FMNL2: variants seen among roughly 807,000 people sequenced by gnomAD.
The protein encoded by FMNL2 is formin-like protein 2.
Under a neutral mutation model 130.2 loss-of-function variants are expected in FMNL2, and 51 were observed. The observed-to-expected ratio is 0.39, with a 90% CI of 0.31 to 0.49. The LOEUF (loss-of-function observed/expected upper bound fraction) is 0.49, where lower values mean the gene tolerates loss of function less well. Among genes scored for constraint, FMNL2 ranks in the 20% least tolerant of loss-of-function variants. The pLI is 0.85. For synonymous variants in FMNL2, 465 were observed against 467.1 expected (o/e 1.00, Z 0.06); for missense variants, 977 against 1,316.2 (o/e 0.74, Z 3.99).
intron 1 of FMNL2, among the ~76,000 whole-genome samples, chr2:152,409,317 C>T (rs967639904): frequency 6.6e-6 from 1 of 152,148 alleles, no homozygotes; most frequent in Non-Finnish European, 1.5e-5. Context: ...TGATAAGACG[C>T]CACTTATTAA....
At chr2:152,634,057 A>G (rs1170576330) in intron 21 of FMNL2, among the ~76,000 whole-genome samples, 1 of 152,202 alleles carries the variant, frequency 6.6e-6, no homozygotes, top group Non-Finnish European at 1.5e-5. Context: ...CTGAGGGAAA[A>G]ACCTACTGCA....
intron 1 of FMNL2, among the ~76,000 whole-genome samples, chr2:152,496,178 G>T (rs906228473): frequency 6.6e-6 from 1 of 152,070 alleles, no homozygotes; most frequent in Non-Finnish European, 1.5e-5. Context: ...GGGATCTAGG[G>T]CCGGTTCCTA....
intron 1 of FMNL2, among the ~76,000 whole-genome samples, chr2:152,478,229 C>CAT (rs1553462980): frequency 1.5e-4 from 17 of 116,882 alleles, no homozygotes; most frequent in African/African-American, 3.9e-4. Flanking sequence ...TACATATATA[C>CAT]ATATATATAT....
intron 10 of FMNL2, among the ~76,000 whole-genome samples, chr2:152,607,970 A>G (rs779972259): frequency 3.3e-5 from 5 of 152,112 alleles, no homozygotes; most frequent in Non-Finnish European, 7.3e-5. Context: ...AGGTTAGGTG[A>G]CATACAAGAA....
At chr2:152,505,790 G>A (rs1000316437) in intron 1 of FMNL2, among the ~76,000 whole-genome samples, 6 of 152,182 alleles carry the variant, frequency 3.9e-5, no homozygotes, top group East Asian at 1.9e-4. Flanking sequence ...CACACCTCTC[G>A]TTCTTGCTTA....
chr2:152,447,004 A>G (rs1302178871), intron 1 of FMNL2, among the ~76,000 whole-genome samples: 2 of 152,160 alleles, frequency 1.3e-5, no homozygotes, highest in East Asian at 3.8e-4. Context: ...GGCCCAGTTT[A>G]GATTTTTTTA....
chr2:152,341,159 G>A (rs1177994677), intron 1 of FMNL2, among the ~76,000 whole-genome samples: 1 of 152,184 alleles, frequency 6.6e-6, no homozygotes, highest in African/African-American at 2.4e-5. Flanking sequence ...TCTTTCTCCT[G>A]TTGTGAGGGG....
At position 152,648,184 on chromosome 2, in the gene FMNL2, A is replaced by C; in HGVS notation, c.*279A>C. Reference sequence around the variant, plus strand: ...GTATGTTATTTTTAACCAAAATGTAAAGTTCTTATTAAACTCATTACCTGC... The same window carrying C: ...GTATGTTATTTTTAACCAAAATGTACAGTTCTTATTAAACTCATTACCTGC... On this transcript the variant is annotated 3_prime_UTR_variant, in exon 26 of 26. Transcript: ENST00000288670. 1 of 355,700 alleles carries C rather than the reference A, an allele frequency of 2.8e-6. No homozygotes were observed. The highest frequency in any genetic ancestry group is 5.1e-6 in the Non-Finnish European group (1 of 197,212). 22.0% of individuals were successfully genotyped at this position (355,700 alleles called of 1,614,324 possible).
At chr2:152,347,994 C>T (rs1444717514) in intron 1 of FMNL2, among the ~76,000 whole-genome samples, 1 of 151,034 alleles carries the variant, frequency 6.6e-6, no homozygotes, top group African/African-American at 2.4e-5. Context: ...TTCTCTCCTT[C>T]GTATTTTTTT....
chr2:152,475,822 A>C (rs1452882906), intron 1 of FMNL2, among the ~76,000 whole-genome samples: 2 of 152,188 alleles, frequency 1.3e-5, no homozygotes, highest in Non-Finnish European at 2.9e-5. Flanking sequence ...TAACATTCTT[A>C]CTACAAAAAA....
At chr2:152,496,151 T>C (rs1025408794) in intron 1 of FMNL2, among the ~76,000 whole-genome samples, 1 of 152,214 alleles carries the variant, frequency 6.6e-6, no homozygotes, top group African/African-American at 2.4e-5. Context: ...GTCCTGCTGA[T>C]GCCCTTTTCT....
intron 1 of FMNL2, among the ~76,000 whole-genome samples, chr2:152,470,156 A>T (rs1689780039): frequency 6.6e-6 from 1 of 152,182 alleles, no homozygotes; most frequent in Non-Finnish European, 1.5e-5. Flanking sequence ...TAAAGGACAA[A>T]GGTGGCTATT....
intron 15 of FMNL2, among the ~76,000 whole-genome samples, chr2:152,621,858 T>G (rs1681340106): frequency 6.6e-6 from 1 of 152,164 alleles, no homozygotes; most frequent in Non-Finnish European, 1.5e-5. Context: ...AGAGCTGAGC[T>G]AATATTCTGA....
intron 7 of FMNL2, 131 bp downstream of exon 7, chr2:152,575,375 A>G: frequency 4.0e-6 from 2 of 496,770 alleles, no homozygotes; most frequent in Middle Eastern, 3.4e-4. Context: ...CCTACAATTT[A>G]TCTGTGTTAC....
intron 22 of FMNL2, 75 bp from the exon 23 acceptor site, chr2:152,637,498 C>T (rs1268190164): frequency 1.7e-6 from 2 of 1,155,476 alleles, no homozygotes; most frequent in Middle Eastern, 1.9e-4. Flanking sequence ...TGCTGCTTTG[C>T]ATCAGCGTTC....
At chr2:152,593,860 A>AGAGAGAGAGTGTGT (rs1365489869) in intron 9 of FMNL2, among the ~76,000 whole-genome samples, 1 of 113,294 alleles carries the variant, frequency 8.8e-6, no homozygotes, top group African/African-American at 3.5e-5. Context: ...AGAGAGAGAG[A>AGAGAGAGAGTGTGT]GTGTGTGTGT....
chr2:152,572,441 A>G (rs1422635602), intron 6 of FMNL2, among the ~76,000 whole-genome samples: 1 of 152,076 alleles, frequency 6.6e-6, no homozygotes, highest in Non-Finnish European at 1.5e-5. Flanking sequence ...AAAGTGGCTA[A>G]TATCTTGTAA....
At chr2:152,530,161 A>G (rs1274927691) in intron 2 of FMNL2, among the ~76,000 whole-genome samples, 1 of 152,230 alleles carries the variant, frequency 6.6e-6, no homozygotes, top group African/African-American at 2.4e-5. Context: ...AATGACTTTT[A>G]TAAACTTGAG....
chr2:152,507,553 T>C (rs1386653875), intron 1 of FMNL2, among the ~76,000 whole-genome samples: 1 of 152,230 alleles, frequency 6.6e-6, no homozygotes, highest in African/African-American at 2.4e-5. Flanking sequence ...ATACTGTCCT[T>C]ATTTTACAGA....
Sources: allele counts gnomAD v4.1 joint callset (sites outside exome capture counted in the v4.1 genomes callset), GRCh38; gene constraint gnomAD v4.1.1; transcripts MANE v1.5; gene names NCBI Gene and HGNC (gene_info 2026-07-23, HGNC 2026-07-21).